Variants in METTL16 observed in about 807,000 individuals in gnomAD.
The protein encoded by METTL16 is RNA N(6)-adenosine-methyltransferase METTL16.
A neutral mutation model predicts 57.9 loss-of-function variants in METTL16; 19 were observed. The ratio of observed to expected loss-of-function variants is 0.33; its 90% CI spans 0.23 to 0.48. The LOEUF (loss-of-function observed/expected upper bound fraction) is 0.48. METTL16 is among the 20% of genes least tolerant of loss of function. The pLI, the probability that METTL16 is intolerant of heterozygous loss-of-function variation, is 0.99. For synonymous variants in METTL16, 246 were observed against 255.6 expected (o/e 0.96, Z 0.36); for missense variants, 434 against 691.5 (o/e 0.63, Z 4.18).
chr17:2,487,899 A>G (rs1404849861), intron 2 of METTL16, among the ~76,000 whole-genome samples: 1 of 151,986 alleles, frequency 6.6e-6, no homozygotes, highest in African/African-American at 2.4e-5. Flanking sequence ...TTAGCTACTC[A>G]GGAGGCTGAG....
intron 6 of METTL16, among the ~76,000 whole-genome samples, chr17:2,453,420 A>T (rs1285508688): frequency 6.6e-6 from 1 of 152,112 alleles, no homozygotes; most frequent in Non-Finnish European, 1.5e-5. Context: ...CTGATTTTAC[A>T]CAGTCCCTCA....
chr17:2,420,943 A>G lies in METTL16; in HGVS notation c.889-39T>C, dbSNP rs112953493. 2.8e-3 allele frequency: 4,407 copies of G among 1,597,504 alleles called. 111 individuals carry two copies. In the South Asian group the frequency reaches 0.041, roughly 15 times the overall value. On this transcript the variant is annotated intron_variant, in intron 8 of 9. Coordinates refer to ENST00000263092, the MANE Select transcript of METTL16 (RefSeq NM_024086.4). This position sits in a 1 kb window ranked among gnomAD's most constrained non-coding sequence, Gnocchi z 5.4. ...GAAGCATAGAAAAGAGAAGAAAGTT[A>G]TCCGAATAATTAAACCTCATGCATT... is the stretch of plus-strand genomic sequence containing the variant.
chr17:2,499,001 A>G (rs1385766536), intron 2 of METTL16, among the ~76,000 whole-genome samples: 2 of 151,296 alleles, frequency 1.3e-5, no homozygotes, highest in Non-Finnish European at 2.9e-5. Context: ...TACCTGGCTC[A>G]CTCCACTCAT....
intron 6 of METTL16, among the ~76,000 whole-genome samples, chr17:2,449,471 G>A (rs141298155): frequency 2.6e-5 from 4 of 152,178 alleles, no homozygotes; most frequent in African/African-American, 7.2e-5. Flanking sequence ...GCCTCCCAAC[G>A]TGCTGGGATT....
intron 6 of METTL16, among the ~76,000 whole-genome samples, chr17:2,446,751 CG>C: frequency 6.6e-6 from 1 of 151,854 alleles, no homozygotes; most frequent in African/African-American, 2.4e-5. Flanking sequence ...CACTGGTTCT[CG>C]TTTTTTTTTT....
chr17:2,447,611 A>T (rs1469670142), intron 6 of METTL16, among the ~76,000 whole-genome samples: 1 of 45,814 alleles, frequency 2.2e-5, no homozygotes, highest in Non-Finnish European at 4.1e-5. Context: ...CCAGCCGCCC[A>T]GTCCGGGAGG....
In METTL16 at chr17:2,492,116, T is replaced by C. The variant is rs371797201; in HGVS notation, c.128+10088A>G. Among the ~76,000 whole-genome samples, 970 of 136,088 alleles carry C rather than the reference T, an allele frequency of 7.1e-3. 10 individuals carry two copies. Among genetic ancestry groups the C allele is most frequent in the South Asian group, 0.032 (130 of 4,068 alleles). 89.3% of individuals were successfully genotyped at this position (136,088 alleles called of 152,430 possible). ...GTCCCAGCTACTCGGGAGGCTGAGG[T>C]AGGAGAATGGCGTGAACCTGGGAGG... is the stretch of plus-strand genomic sequence containing the variant. On this transcript the variant is annotated intron_variant, in intron 2 of 9. Transcript: ENST00000263092.
intron 5 of METTL16, among the ~76,000 whole-genome samples, chr17:2,465,782 C>G (rs2067189974): frequency 6.6e-6 from 1 of 151,922 alleles, no homozygotes; most frequent in South Asian, 2.1e-4. Flanking sequence ...ATGAGAATCA[C>G]TTGAACCTAG....
chr17:2,448,186 G>A (rs2067028926), intron 6 of METTL16, among the ~76,000 whole-genome samples: 1 of 149,508 alleles, frequency 6.7e-6, no homozygotes, highest in African/African-American at 2.4e-5. Flanking sequence ...CTGCCCGGCC[G>A]CCCCTACTGG....
At chr17:2,487,774 C>T (rs1271051501) in intron 2 of METTL16, among the ~76,000 whole-genome samples, 1 of 151,778 alleles carries the variant, frequency 6.6e-6, no homozygotes, top group African/African-American at 2.4e-5. Flanking sequence ...GAGGCTGAGG[C>T]GGGAGGATTG....
rs967539288 is a variant in METTL16 at position 2,416,499 on chromosome 17, G to A, written c.*3471C>T. 7 of 152,266 alleles carry A rather than the reference G, an allele frequency of 4.6e-5. No individual in the cohort carries two copies. The highest frequency in any genetic ancestry group is 7.3e-5 in the Non-Finnish European group (5 of 68,060). 9.4% of individuals were successfully genotyped at this position (152,266 alleles called of 1,614,324 possible). On this transcript the variant is annotated 3_prime_UTR_variant, in exon 10 of 10. Transcript: ENST00000263092. Reference sequence around the variant, plus strand: ...ACACGAAGCTTAGGATGAGTTGAAAGGGTACTGCCAAAACGCGGCCCTGCC... The same window carrying A: ...ACACGAAGCTTAGGATGAGTTGAAAAGGTACTGCCAAAACGCGGCCCTGCC...
At position 2,416,416 on chromosome 17, in the gene METTL16, G is replaced by T. The variant is rs1024735110; in HGVS notation, c.*3554C>A. The T allele has an allele frequency of 6.6e-6, 1 of 152,186 alleles. No individual in the cohort carries two copies. The highest frequency in any genetic ancestry group is 1.5e-5 in the Non-Finnish European group (1 of 68,040). The allele number at this position is 152,186 out of a possible 1,614,324, so 9.4% of individuals were successfully genotyped here. ...TTCGAGTGCTCACATGGTAAGCTTT[G>T]ATTTCCATCGAGAGGAAAGGCTTTA... On this transcript the variant is annotated 3_prime_UTR_variant, in exon 10 of 10. Coordinates refer to ENST00000263092, the MANE Select transcript of METTL16 (RefSeq NM_024086.4).
At chr17:2,441,417 A>G in intron 7 of METTL16, 73 bp downstream of exon 7, 1 of 1,085,502 alleles carries the variant, frequency 9.2e-7, no homozygotes, top group Non-Finnish European at 1.3e-6. Context: ...ATATCAATGT[A>G]GCAAAACTGT....
chr17:2,500,148 G>T (rs1490294388), intron 2 of METTL16, among the ~76,000 whole-genome samples: 1 of 152,158 alleles, frequency 6.6e-6, no homozygotes, highest in African/African-American at 2.4e-5. Context: ...ATGATTTTAA[G>T]GGTTATCTTG....
chr17:2,472,878 G>A (rs1470365570), intron 4 of METTL16, among the ~76,000 whole-genome samples: 1 of 152,130 alleles, frequency 6.6e-6, no homozygotes, highest in Non-Finnish European at 1.5e-5. Flanking sequence ...ACAGAAGACG[G>A]CAGGGCAGTG....
At chr17:2,486,147 G>A (rs1368528287) in intron 2 of METTL16, among the ~76,000 whole-genome samples, 1 of 152,144 alleles carries the variant, frequency 6.6e-6, no homozygotes, top group Non-Finnish European at 1.5e-5. Flanking sequence ...AGGTGAAGCT[G>A]GGGAGGAAGG....
intron 6 of METTL16, among the ~76,000 whole-genome samples, chr17:2,454,131 C>G (rs1212235624): frequency 6.6e-6 from 1 of 152,242 alleles, no homozygotes; most frequent in Middle Eastern, 3.4e-3. Flanking sequence ...TCATTACTTT[C>G]TGGTACTAGA....
chr17:2,434,898 G>A (rs2066898584), intron 8 of METTL16, among the ~76,000 whole-genome samples: 1 of 152,198 alleles, frequency 6.6e-6, no homozygotes, highest in African/African-American at 2.4e-5. Context: ...CACCAAGAGT[G>A]AACAACTCAC....
At chr17:2,508,029 CT>C (rs1419049684) in intron 1 of METTL16, among the ~76,000 whole-genome samples, 5 of 152,050 alleles carry the variant, frequency 3.3e-5, no homozygotes, top group African/African-American at 7.2e-5. Context: ...AACCAGAGAC[CT>C]TTGTTCACTT....
Sources: gnomAD v4.1 joint callset for allele counts (sites outside exome capture counted in the v4.1 genomes callset) on GRCh38, gnomAD v4.1.1 for gene constraint, Gnocchi (gnomAD v3.1) non-coding constraint, MANE v1.5 for transcripts, NCBI Gene and HGNC (gene_info 2026-07-23, HGNC 2026-07-21) for gene names.